UCK2: variants seen among roughly 807,000 people sequenced by gnomAD.
UCK2 encodes the protein cytidine monophosphokinase 2.
A neutral mutation model predicts 30.8 loss-of-function variants in UCK2; 6 were observed. The observed-to-expected ratio is 0.19, with a 90% confidence interval of 0.11 to 0.38. The LOEUF is 0.38. UCK2 is among the 10% of genes least tolerant of loss of function. UCK2 has a pLI of 1.00. For missense variants in UCK2, 210 were observed against 339.8 expected, an observed-to-expected ratio of 0.62 and a Z score of 3.00; for synonymous variants, 125 against 133.6, an observed-to-expected ratio of 0.94 and a Z score of 0.45.
intron 1 of UCK2, among the ~76,000 whole-genome samples, chr1:165,839,523 G>T (rs1280227209): frequency 6.6e-6 from 1 of 152,090 alleles, no homozygotes; most frequent in African/African-American, 2.4e-5. Context: ...GCTGGGTCTT[G>T]GTGGAGTTTA....
chr1:165,887,256 G>C (rs991934337), intron 1 of UCK2, among the ~76,000 whole-genome samples: 1 of 152,136 alleles, frequency 6.6e-6, no homozygotes, highest in African/African-American at 2.4e-5. Context: ...TGAAAACACA[G>C]GACTGAAACA....
rs78092065 is a variant in UCK2 at position 165,878,786 on chromosome 1, G to A, written c.100-11418G>A. 5.2e-3 allele frequency among the ~76,000 whole-genome samples: 796 copies of A among 152,314 alleles called. 8 individuals carry two copies. Among genetic ancestry groups the A allele is most frequent in the African/African-American group, 0.018 (763 of 41,564 alleles). On this transcript the variant is annotated intron_variant, in intron 1 of 6. Coordinates refer to ENST00000367879, the MANE Select transcript of UCK2 (RefSeq NM_012474.5). ...AATAAAGCTTCTATAAATACCATGCGCAAGTTTTTGTGTGAACATACATTT... is the reference window on the plus strand; with the variant it reads ...AATAAAGCTTCTATAAATACCATGCACAAGTTTTTGTGTGAACATACATTT...
intron 1 of UCK2, among the ~76,000 whole-genome samples, chr1:165,866,368 C>T (rs891193329): frequency 6.6e-6 from 1 of 152,072 alleles, no homozygotes; most frequent in Non-Finnish European, 1.5e-5. Context: ...TTTAGAGACT[C>T]TACCTGAAAA....
chr1:165,866,830 T>C (rs1013338979), intron 1 of UCK2, among the ~76,000 whole-genome samples: 2 of 152,216 alleles, frequency 1.3e-5, no homozygotes, highest in African/African-American at 4.8e-5. Context: ...TACTGTATTG[T>C]ATGTCAGAAT....
At chr1:165,889,376 C>T (rs963894550) in intron 1 of UCK2, among the ~76,000 whole-genome samples, 4 of 152,236 alleles carry the variant, frequency 2.6e-5, no homozygotes, top group African/African-American at 4.8e-5. Flanking sequence ...CATGGATGTG[C>T]AGTCACCTTG....
chr1:165,858,968 A>G (rs554588793), intron 1 of UCK2, among the ~76,000 whole-genome samples: 31 of 152,330 alleles, frequency 2.0e-4, no homozygotes, highest in African/African-American at 7.5e-4. Flanking sequence ...TAAACCAGAA[A>G]TCAAATTCTG....
intron 1 of UCK2, among the ~76,000 whole-genome samples, chr1:165,837,075 A>G (rs1453423604): frequency 1.3e-5 from 2 of 152,156 alleles, no homozygotes; most frequent in African/African-American, 2.4e-5. Context: ...CGATAATGGC[A>G]TTAATCCAGT....
chr1:165,851,488 C>T (rs1396722958), intron 1 of UCK2, among the ~76,000 whole-genome samples: 2 of 152,094 alleles, frequency 1.3e-5, no homozygotes, highest in African/African-American at 4.8e-5. Context: ...CTCCTTATAG[C>T]CTGATGAGAA....
intron 1 of UCK2, among the ~76,000 whole-genome samples, chr1:165,876,897 C>A (rs1352179825): frequency 6.6e-6 from 1 of 152,214 alleles, no homozygotes; most frequent in African/African-American, 2.4e-5. Context: ...TCCGTGTCTT[C>A]ACCTTTTCTG....
chr1:165,828,488 G>T (rs1653954343), intron 1 of UCK2, among the ~76,000 whole-genome samples: 1 of 152,224 alleles, frequency 6.6e-6, no homozygotes, highest in African/African-American at 2.4e-5. Context: ...AAGGGCTGGG[G>T]ATTACAGGGG....
chr1:165,865,499 C>G (rs1655024933), intron 1 of UCK2, among the ~76,000 whole-genome samples: 1 of 152,102 alleles, frequency 6.6e-6, no homozygotes, highest in Non-Finnish European at 1.5e-5. Flanking sequence ...GCTTTTTTCC[C>G]CATTTTTTAG....
At chr1:165,878,127 T>G (rs1021436738) in intron 1 of UCK2, among the ~76,000 whole-genome samples, 2 of 152,216 alleles carry the variant, frequency 1.3e-5, no homozygotes, top group Non-Finnish European at 2.9e-5. Flanking sequence ...TCCCCTGTGC[T>G]CTGCCCATTC....
At chr1:165,874,747 A>C (rs910067271) in intron 1 of UCK2, among the ~76,000 whole-genome samples, 1 of 152,180 alleles carries the variant, frequency 6.6e-6, no homozygotes, top group Non-Finnish European at 1.5e-5. Flanking sequence ...GGTTGTTAAA[A>C]TGGAAGATTT....
intron 1 of UCK2, among the ~76,000 whole-genome samples, chr1:165,880,578 T>G (rs1411855054): frequency 8.4e-4 from 20 of 23,812 alleles, no homozygotes; most frequent in East Asian, 1.7e-3. Context: ...TGTGTGTGTG[T>G]GTGTGTGTGT....
intron 1 of UCK2, among the ~76,000 whole-genome samples, chr1:165,845,150 C>T (rs553694498): frequency 3.9e-5 from 6 of 152,238 alleles, no homozygotes; most frequent in African/African-American, 1.2e-4. Flanking sequence ...TGGGATCTGG[C>T]GCTCTCTCCA....
intron 1 of UCK2, among the ~76,000 whole-genome samples, chr1:165,838,720 G>A (rs1654256418): frequency 1.3e-5 from 2 of 151,850 alleles, no homozygotes; most frequent in African/African-American, 4.8e-5. Flanking sequence ...AAGTGTGCAT[G>A]CTAGATGGCT....
chr1:165,905,819 C>T (rs947760654), intron 5 of UCK2, 102 bp from the exon 6 acceptor site: 43 of 1,043,904 alleles, frequency 4.1e-5, no homozygotes, highest in Admixed American at 1.8e-4. Context: ...CTTCTGGGCT[C>T]GCTAGTATGA....
At chr1:165,867,512 A>G (rs77830585) in intron 1 of UCK2, among the ~76,000 whole-genome samples, 1,721 of 152,376 alleles carry the variant, frequency 0.011, 34 homozygotes, top group Admixed American at 0.052. Context: ...CCACTGCTTT[A>G]TCAACTAAGC....
At position 165,885,624 on chromosome 1, in the gene UCK2, G is replaced by T. The variant is rs187417464; in HGVS notation, c.100-4580G>T. Among the ~76,000 whole-genome samples the T allele has an allele frequency of 1.0e-3, 156 of 152,334 alleles. 2 individuals are homozygous for T. Among genetic ancestry groups the T allele is most frequent in the Admixed American group, 0.01 (155 of 15,308 alleles). On this transcript the variant is annotated intron_variant, in intron 1 of 6. Transcript: ENST00000367879. The stretch of plus-strand genomic sequence containing the variant: ...TTATACAAAATGAAGCTGAACTCAC[G>T]CTCCAGTGGGCAGTGTCAGTTTGCC...
Sources: gnomAD v4.1 joint callset for allele counts (sites outside exome capture counted in the v4.1 genomes callset) on GRCh38, gnomAD v4.1.1 for gene constraint, MANE v1.5 for transcripts, NCBI Gene and HGNC (gene_info 2026-07-23, HGNC 2026-07-21) for gene names.